Variants in C7 observed in about 807,000 individuals in gnomAD.
C7 encodes complement C7.
A neutral mutation model predicts 104.8 loss-of-function variants in C7; 83 were observed. The ratio of observed to expected loss-of-function variants is 0.79; its 90% CI spans 0.66 to 0.95. The LOEUF is 0.95. C7 is among the 40% of genes least tolerant of loss of function. The probability of loss-of-function intolerance (pLI) is 0.00; values close to 1 mark genes in which losing one functional copy is unlikely to be tolerated. For missense variants in C7, 1,070 were observed against 1,011.2 expected, an observed-to-expected ratio of 1.06 and a Z score of -0.79; for synonymous variants, 415 against 360.6, an observed-to-expected ratio of 1.15 and a Z score of -1.71.
chr5:40,968,024 T>C (rs1740595922), intron 14 of C7, among the ~76,000 whole-genome samples: 2 of 152,226 alleles, frequency 1.3e-5, no homozygotes, highest in African/African-American at 4.8e-5. Flanking sequence ...TCACTTGTCC[T>C]TATGGGACAC....
At chr5:40,975,529 A>G (rs1408989253) in intron 15 of C7, among the ~76,000 whole-genome samples, 1 of 151,930 alleles carries the variant, frequency 6.6e-6, no homozygotes, top group East Asian at 1.9e-4. Context: ...ATGCCCGGCT[A>G]ATTTTTGTAT....
At chr5:40,914,599 C>G (rs1739281226) in intron 1 of C7, among the ~76,000 whole-genome samples, 2 of 152,034 alleles carry the variant, frequency 1.3e-5, no homozygotes, top group African/African-American at 2.4e-5. Context: ...AGTTTCAGGT[C>G]TTACATTTAA....
chr5:40,928,055 A>C (rs1739596024), intron 1 of C7, among the ~76,000 whole-genome samples: 1 of 152,214 alleles, frequency 6.6e-6, no homozygotes, highest in Admixed American at 6.5e-5. Context: ...TGGTGTGTGT[A>C]CACAATGGAA....
At chr5:40,921,069 A>C (rs1739429196) in intron 1 of C7, among the ~76,000 whole-genome samples, 1 of 147,182 alleles carries the variant, frequency 6.8e-6, no homozygotes, top group Admixed American at 6.8e-5. Flanking sequence ...AAAAAATGAA[A>C]GACTACACTA....
intron 14 of C7, among the ~76,000 whole-genome samples, chr5:40,965,664 C>CA (rs1740532234): frequency 3.6e-4 from 41 of 114,764 alleles, no homozygotes; most frequent in African/African-American, 1.5e-3. Context: ...TTTTTGGAGA[C>CA]AGAGTCTCAC....
At chr5:40,968,702 C>G (rs1440326521) in intron 14 of C7, among the ~76,000 whole-genome samples, 1 of 144,406 alleles carries the variant, frequency 6.9e-6, no homozygotes, top group East Asian at 2.2e-4. Flanking sequence ...ATCTCTGCCT[C>G]CTGGGCTCAA....
rs543061861 is a variant in C7, at chr5:40,976,212, C to G, written c.2075-538C>G. ...GTTATTGTAGATCTTCTCGGCACAC[C>G]AGGGAGTTCTCCATGTATAAGGCAA... On this transcript the variant is annotated intron_variant, in intron 15 of 17. Transcript: ENST00000313164. Among the ~76,000 whole-genome samples the G allele has an allele frequency of 1.7e-4, 26 of 152,156 alleles. 1 individual carries two copies. The highest frequency in any genetic ancestry group is 3.1e-4 in the African/African-American group (13 of 41,512).
At chr5:40,964,020 C>CTTAT (rs1740487746) in intron 13 of C7, among the ~76,000 whole-genome samples, 2 of 39,888 alleles carry the variant, frequency 5.0e-5, no homozygotes, top group South Asian at 1.6e-3. Context: ...GCTCATAATA[C>CTTAT]TTTTTTTTTT....
At chr5:40,951,523 C>A (rs572322974) in intron 9 of C7, among the ~76,000 whole-genome samples, 123 of 152,308 alleles carry the variant, frequency 8.1e-4, no homozygotes, top group African/African-American at 2.5e-3. Flanking sequence ...CTTACTCTCA[C>A]TACCTGGGTG....
In C7 at chr5:40,949,995, C is replaced by T. The variant is rs147954006; in HGVS notation, c.1074C>T (p.Asn358=). 3.1e-5 allele frequency: 49 copies of T among 1,591,458 alleles called. No homozygotes were observed. The highest frequency in any genetic ancestry group is 1.5e-4 in the African/African-American group (11 of 74,512). ...GTCATGGATGCAAGGAACTGGAAAA[C>T]GCTTTAAAAGCTGCTTCAGGTAAAT... ...FSSHGCKELE[N]ALKAASGTQN... Residue 358 remains asparagine, a synonymous_variant, in exon 9 of 18, where the codon AAC becomes AAT. Transcript: ENST00000313164.
In C7 at chr5:40,947,504, T is replaced by C. The variant is rs551540487; in HGVS notation, c.739-98T>C. ...AAAAATTCTTGTAGTCTTGGTTGAT[T>C]GGAGATGAGAGCTGATGAAGGTATT... On this transcript the variant is annotated intron_variant, in intron 7 of 17. Coordinates refer to ENST00000313164, the MANE Select transcript of C7 (RefSeq NM_000587.4). 6.0e-6 allele frequency: 8 copies of C among 1,328,618 alleles called. No homozygotes were observed. In the Admixed American group the frequency reaches 1.8e-4, roughly 29 times the overall value. 82.3% of individuals were successfully genotyped at this position (1,328,618 alleles called of 1,614,324 possible).
intron 3 of C7, among the ~76,000 whole-genome samples, chr5:40,934,056 T>G (rs561688954): frequency 6.6e-6 from 1 of 152,038 alleles, no homozygotes; most frequent in East Asian, 1.9e-4. Flanking sequence ...ATCATTTTTT[T>G]TTTTTTGCAT....
At chr5:40,954,652 G>A (rs909044806) in intron 9 of C7, among the ~76,000 whole-genome samples, 4 of 151,902 alleles carry the variant, frequency 2.6e-5, no homozygotes, top group Non-Finnish European at 5.9e-5. Flanking sequence ...GGGAGGCTGA[G>A]GCAGGCAGAT....
intron 10 of C7, among the ~76,000 whole-genome samples, chr5:40,956,288 G>A (rs1579862674): frequency 2.6e-5 from 4 of 152,164 alleles, no homozygotes; most frequent in Admixed American, 6.5e-5. Flanking sequence ...GAAGGTTTAC[G>A]GCTTGTGAGT....
At chr5:40,969,315 TA>T (rs1418436793) in intron 14 of C7, among the ~76,000 whole-genome samples, 22 of 152,276 alleles carry the variant, frequency 1.4e-4, no homozygotes, top group Admixed American at 1.2e-3. Context: ...TCTTGTCATT[TA>T]AAAAAATATA....
Position 40,920,365 on chromosome 5 carries a change from G to C in C7, c.7-8215G>C, listed in dbSNP as rs544630283. 2.6e-5 allele frequency among the ~76,000 whole-genome samples: 4 copies of C among 152,054 alleles called. No homozygotes were observed. The East Asian group carries it at 7.7e-4, about 29-fold the overall frequency. On this transcript the variant is annotated intron_variant, in intron 1 of 17. Transcript: ENST00000313164. Reference sequence around the variant, plus strand: ...ATCAGATCCTGTGGATCTGAAGAAAGAGATGGGTTGCAATACAATATTTAC... The same window carrying C: ...ATCAGATCCTGTGGATCTGAAGAAACAGATGGGTTGCAATACAATATTTAC...
At chr5:40,961,485 G>A (rs1208693450) in intron 12 of C7, among the ~76,000 whole-genome samples, 1 of 151,834 alleles carries the variant, frequency 6.6e-6, no homozygotes, top group Non-Finnish European at 1.5e-5. Flanking sequence ...CCCAAGCTCA[G>A]GAGATTCTCC....
In C7 at chr5:40,936,337, G is replaced by A; in HGVS notation, c.281-1G>A. The A allele has an allele frequency of 1.2e-6, 2 of 1,613,116 alleles. No individual in the cohort carries two copies. Among genetic ancestry groups the A allele is most frequent in the Non-Finnish European group, 8.5e-7 (1 of 1,179,338 alleles). On this transcript the variant is annotated splice_acceptor_variant, in intron 4 of 17. Transcript: ENST00000313164. LOFTEE classifies it high-confidence loss of function. ...TGCACGTGGATTTCTCTGGTGTTCA[G>A]GTCAGTGCATCAGCAAATCATTGGT... is the stretch of plus-strand genomic sequence containing the variant.
At chr5:40,978,816 T>C (rs1318582780) in intron 16 of C7, among the ~76,000 whole-genome samples, 1 of 151,622 alleles carries the variant, frequency 6.6e-6, no homozygotes, top group Non-Finnish European at 1.5e-5. Context: ...TAAATAGCTA[T>C]TTTTTTCCAC....
Sources: gnomAD v4.1 joint callset for allele counts (sites outside exome capture counted in the v4.1 genomes callset) on GRCh38, gnomAD v4.1.1 for gene constraint, MANE v1.5 for transcripts, NCBI Gene and HGNC (gene_info 2026-07-23, HGNC 2026-07-21) for gene names.